The following NAALADL2 variants were observed in gnomAD, a reference collection of about 807,000 sequenced individuals.
The protein encoded by NAALADL2 is N-acetylated alpha-linked acidic dipeptidase like 2.
In NAALADL2, 76 loss-of-function variants were observed where a neutral mutation model predicts 87.2. The observed-to-expected ratio is 0.87, with a 90% CI of 0.72 to 1.05. The LOEUF is 1.05. NAALADL2 is among the 50% of genes least tolerant of loss of function. The pLI, the probability that NAALADL2 is intolerant of heterozygous loss-of-function variation, is 0.00. For missense variants in NAALADL2, 1,089 were observed against 945.8 expected (o/e 1.15, Z -1.99); for synonymous variants, 354 against 331.0 (o/e 1.07, Z -0.75).
intron 11 of NAALADL2, among the ~76,000 whole-genome samples, chr3:175,668,654 G>A (rs915292564): frequency 6.6e-6 from 1 of 152,096 alleles, no homozygotes; most frequent in Non-Finnish European, 1.5e-5. Flanking sequence ...TCTTTCTCAT[G>A]ATTTCTGTCC....
intron 3 of NAALADL2, among the ~76,000 whole-genome samples, chr3:174,853,879 A>G (rs1725558029): frequency 6.6e-6 from 1 of 152,202 alleles, no homozygotes; most frequent in Non-Finnish European, 1.5e-5. Context: ...ACTGACAATA[A>G]TGGATGCTGG....
chr3:174,552,051 A>G (rs1017364075), intron 2 of NAALADL2, among the ~76,000 whole-genome samples: 2 of 152,214 alleles, frequency 1.3e-5, no homozygotes, highest in Non-Finnish European at 1.5e-5. Context: ...AAAAATATAC[A>G]TACAACATTC....
chr3:174,471,775 G>T (rs1245591416), intron 1 of NAALADL2, among the ~76,000 whole-genome samples: 1 of 151,850 alleles, frequency 6.6e-6, no homozygotes, highest in Non-Finnish European at 1.5e-5. Flanking sequence ...TTATTATGAG[G>T]ATTAAATAAA....
At chr3:175,487,381 T>C in intron 9 of NAALADL2, 1 of 387,416 alleles carries the variant, frequency 2.6e-6, no homozygotes, top group East Asian at 7.1e-5. Flanking sequence ...TTGTCTGTTT[T>C]GTACTCTGAT....
At chr3:175,662,316 AG>A (rs1216110313) in intron 11 of NAALADL2, among the ~76,000 whole-genome samples, 1 of 151,938 alleles carries the variant, frequency 6.6e-6, no homozygotes, top group Non-Finnish European at 1.5e-5. Flanking sequence ...AACATAGAAA[AG>A]CTACTGATTT....
intron 4 of NAALADL2, among the ~76,000 whole-genome samples, chr3:175,273,923 TTAAA>T (rs1464002595): frequency 2.0e-5 from 3 of 152,208 alleles, no homozygotes; most frequent in South Asian, 2.1e-4. Context: ...GTTAAGTTTC[TTAAA>T]TAAGAGACAT....
At chr3:174,571,023 A>G (rs1714855227) in intron 2 of NAALADL2, among the ~76,000 whole-genome samples, 1 of 152,174 alleles carries the variant, frequency 6.6e-6, no homozygotes, top group South Asian at 2.1e-4. Context: ...TGATCTTGTT[A>G]ATCATGAATT....
intron 2 of NAALADL2, among the ~76,000 whole-genome samples, chr3:174,670,779 A>G (rs576786110): frequency 6.6e-6 from 1 of 152,210 alleles, no homozygotes; most frequent in South Asian, 2.1e-4. Context: ...GTGAACTGAT[A>G]CTTTCTAACA....
At chr3:175,687,844 G>T (rs1736514472) in intron 11 of NAALADL2, among the ~76,000 whole-genome samples, 1 of 151,784 alleles carries the variant, frequency 6.6e-6, no homozygotes, top group Non-Finnish European at 1.5e-5. Context: ...CCTTTCTCTT[G>T]TTTCTGCTTG....
At chr3:175,636,939 A>G (rs1280793751) in intron 11 of NAALADL2, among the ~76,000 whole-genome samples, 2 of 152,180 alleles carry the variant, frequency 1.3e-5, no homozygotes, top group Non-Finnish European at 1.5e-5. Flanking sequence ...ATTTGAATGC[A>G]TGCCTCTGTG....
rs116192883 is a variant in NAALADL2, at chr3:175,702,168, A to G, written c.1897-35138A>G. Among the ~76,000 whole-genome samples, 389 of 152,278 alleles carry G rather than the reference A, an allele frequency of 2.6e-3. 6 individuals carry two copies. Among genetic ancestry groups the G allele is most frequent in the Middle Eastern group, 0.017 (5 of 294 alleles). On this transcript the variant is annotated intron_variant, in intron 11 of 13. Coordinates refer to ENST00000454872, the MANE Select transcript of NAALADL2 (RefSeq NM_207015.3). ...AAATGGCACTCAAAAAGAAACACAA[A>G]GTTAATCTGTAATTCTGTTCTAGTA... is the stretch of plus-strand genomic sequence containing the variant.
intron 2 of NAALADL2, among the ~76,000 whole-genome samples, chr3:174,642,083 G>C (rs539053737): frequency 6.6e-6 from 1 of 152,224 alleles, no homozygotes; most frequent in Middle Eastern, 3.4e-3. Context: ...TGTTTTACAG[G>C]ACATGGCCCT....
In NAALADL2 at chr3:175,463,724, G is replaced by GAGAGAGAGAC. The variant is rs1553901947; in HGVS notation, c.1327+240_1327+241insCAGAGAGAGA. On this transcript the variant is annotated intron_variant, in intron 7 of 13. Coordinates refer to ENST00000454872, the MANE Select transcript of NAALADL2 (RefSeq NM_207015.3). The stretch of plus-strand genomic sequence containing the variant: ...GGGGAGAGAGAGAGAGAGAGAGAGA[G>GAGAGAGAGAC]AGAGAGAGAGAGGTGGGGATCTCTC... Among the ~76,000 whole-genome samples the GAGAGAGAGAC allele has an allele frequency of 1.4e-3, 203 of 148,234 alleles. 1 individual carries two copies. The highest frequency in any genetic ancestry group is 3.0e-3 in the African/African-American group (115 of 38,640).
At chr3:175,416,057 G>T (rs1241078354) in intron 5 of NAALADL2, among the ~76,000 whole-genome samples, 1 of 151,650 alleles carries the variant, frequency 6.6e-6, no homozygotes, top group Non-Finnish European at 1.5e-5. Context: ...GGGATTTCAA[G>T]GCTGCAGTAA....
intron 5 of NAALADL2, among the ~76,000 whole-genome samples, chr3:175,377,303 C>T (rs1342553022): frequency 2.6e-5 from 4 of 152,100 alleles, no homozygotes; most frequent in Non-Finnish European, 5.9e-5. Context: ...CAGAGTGACA[C>T]TCTGTTTCAA....
chr3:175,184,106 C>G (rs1006915197), intron 2 of NAALADL2, among the ~76,000 whole-genome samples: 1 of 152,052 alleles, frequency 6.6e-6, no homozygotes. Context: ...GATGATGTCT[C>G]TCCATGTTCT....
At chr3:175,596,855 TCAAACTTAACTACAGG>T (rs1032802183) in intron 10 of NAALADL2, among the ~76,000 whole-genome samples, 2 of 151,950 alleles carry the variant, frequency 1.3e-5, no homozygotes, top group African/African-American at 4.8e-5. Flanking sequence ...ATATCTGCAG[TCAAACTTAACTACAGG>T]CAAAAAGAAG....
intron 1 of NAALADL2, among the ~76,000 whole-genome samples, chr3:174,875,474 T>C (rs191173271): frequency 6.6e-6 from 1 of 152,288 alleles, no homozygotes; most frequent in East Asian, 1.9e-4. Flanking sequence ...TTTATGTACC[T>C]TTTTTAAGAG....
intron 9 of NAALADL2, among the ~76,000 whole-genome samples, chr3:175,479,451 G>A (rs868094558): frequency 1.3e-5 from 2 of 151,758 alleles, no homozygotes; most frequent in Middle Eastern, 3.4e-3. Context: ...TTTTACTCTG[G>A]AACATTTTCC....
Sources: allele counts gnomAD v4.1 joint callset (sites outside exome capture counted in the v4.1 genomes callset), GRCh38; gene constraint gnomAD v4.1.1; transcripts MANE v1.5; gene names NCBI Gene and HGNC (gene_info 2026-07-23, HGNC 2026-07-21).